Variants in MYLIP observed in about 807,000 individuals in gnomAD.
The protein encoded by MYLIP is myosin regulatory light chain interacting protein.
Under a neutral mutation model 45.8 loss-of-function variants are expected in MYLIP, and 26 were observed. The ratio of observed to expected loss-of-function variants is 0.57; its 90% CI spans 0.42 to 0.79. The LOEUF (loss-of-function observed/expected upper bound fraction) is 0.79, where lower values mean the gene tolerates loss of function less well. Ranked by LOEUF, MYLIP falls within the 30% of genes least tolerant of loss-of-function variation. The probability of loss-of-function intolerance (pLI) is 0.00; values close to 1 mark genes in which losing one functional copy is unlikely to be tolerated. For missense variants in MYLIP, 494 were observed against 555.6 expected (o/e 0.89, Z 1.11); for synonymous variants, 213 against 218.1 (o/e 0.98, Z 0.21).
the MYLIP span, among the ~76,000 whole-genome samples, chr6:16,162,937 A>T: frequency 6.6e-6 from 1 of 152,162 alleles, no homozygotes; most frequent in Admixed American, 6.6e-5. Flanking sequence ...GGATTCAGAA[A>T]GATGACACGC....
Position 16,129,444 on chromosome 6 carries a change from T to C in MYLIP, c.87+35T>C. ...AGGGGCAAGAAGGGGCCCCGGCGGGTCCCGCGAGGCCGAGGGGCCTCGCAG... is the reference window on the plus strand; with the variant it reads ...AGGGGCAAGAAGGGGCCCCGGCGGGCCCCGCGAGGCCGAGGGGCCTCGCAG... On this transcript the variant is annotated intron_variant, in intron 1 of 6. Coordinates refer to ENST00000356840, the MANE Select transcript of MYLIP (RefSeq NM_013262.4). The surrounding 1 kb of genome is among the most constrained non-coding windows in gnomAD (Gnocchi z 5.1). 1 of 1,548,146 alleles carries C rather than the reference T, an allele frequency of 6.5e-7. No individual in the cohort carries two copies. The highest frequency in any genetic ancestry group is 8.7e-7 in the Non-Finnish European group (1 of 1,145,508).
chr6:16,156,542 G>A, the MYLIP span, among the ~76,000 whole-genome samples: 1 of 152,144 alleles, frequency 6.6e-6, no homozygotes, highest in Non-Finnish European at 1.5e-5. Context: ...CTTACTGCAG[G>A]CCTTACTGAG....
rs1759826623 is a variant in MYLIP at position 16,147,844 on chromosome 6, TTC to T, written c.*1095_*1096del. On this transcript the variant is annotated 3_prime_UTR_variant, in exon 7 of 7. Coordinates refer to ENST00000356840, the MANE Select transcript of MYLIP (RefSeq NM_013262.4). ...TCGAAGGGGTTTTGGTTCTTTTTGC[TTC>T]TGTTTTCTTAAACATGTTTTCCACT... The T allele has an allele frequency of 6.6e-6, 1 of 152,664 alleles. No individual in the cohort carries two copies. Among genetic ancestry groups the T allele is most frequent in the African/African-American group, 2.4e-5 (1 of 41,460 alleles). The allele number at this position is 152,664 out of a possible 1,614,324, so 9.5% of individuals were successfully genotyped here. A position where few individuals can be genotyped will look rare whatever the true frequency, so the allele number is the denominator to read the frequency against.
intron 2 of MYLIP, 136 bp downstream of exon 2, chr6:16,130,883 A>C: frequency 1.2e-6 from 1 of 865,292 alleles, no homozygotes; most frequent in Non-Finnish European, 1.7e-6. Flanking sequence ...TTTTCCATGC[A>C]GGTCCTTTTG....
chr6:16,148,328 T>C (rs11963978), downstream of MYLIP: 203 of 152,274 alleles, frequency 1.3e-3, 2 homozygotes, highest in African/African-American at 4.7e-3. Context: ...ACAGTTAGTA[T>C]CTACTTTCCT....
the MYLIP span, chr6:16,161,412 A>G: frequency 5.1e-6 from 1 of 195,152 alleles, no homozygotes; most frequent in Middle Eastern, 1.3e-3. Flanking sequence ...CCTCAGACCA[A>G]GTACTTACAT....
downstream of MYLIP, among the ~76,000 whole-genome samples, chr6:16,152,459 C>G (rs1759889838): frequency 6.6e-6 from 1 of 152,200 alleles, no homozygotes; most frequent in African/African-American, 2.4e-5. Context: ...TAGGTGACTA[C>G]TGGCATTTAG....
At chr6:16,160,032 C>T in the MYLIP span, among the ~76,000 whole-genome samples, 1 of 152,192 alleles carries the variant, frequency 6.6e-6, no homozygotes, top group South Asian at 2.1e-4. Context: ...ATTGCCTGCT[C>T]ACCCTCCTGG....
downstream of MYLIP, among the ~76,000 whole-genome samples, chr6:16,148,719 G>T (rs1759843714): frequency 1.3e-5 from 2 of 152,266 alleles, no homozygotes; most frequent in East Asian, 1.9e-4. Flanking sequence ...GGAGTGGCCT[G>T]GGTCATAGCA....
rs1057091892 is a variant in MYLIP, at chr6:16,129,737, G to A, written c.87+328G>A. On this transcript the variant is annotated intron_variant, in intron 1 of 6. Coordinates refer to ENST00000356840, the MANE Select transcript of MYLIP (RefSeq NM_013262.4). The surrounding 1 kb of genome is among the most constrained non-coding windows in gnomAD (Gnocchi z 5.1). Reference sequence around the variant, plus strand: ...AGGCGGCTCCGCACACCTGCCGCAGGTATGTGCGTGATGCCGCCTGTCGGG... The same window carrying A: ...AGGCGGCTCCGCACACCTGCCGCAGATATGTGCGTGATGCCGCCTGTCGGG... Among the ~76,000 whole-genome samples, 2 of 152,218 alleles carry A rather than the reference G, an allele frequency of 1.3e-5. No individual in the cohort carries two copies. Among genetic ancestry groups the A allele is most frequent in the Non-Finnish European group, 2.9e-5 (2 of 68,028 alleles).
rs996150728 is a variant in MYLIP at position 16,143,548 on chromosome 6, A to C, written c.663-151A>C. ...CAACTGCTTTTCACTGTATCTTTAC[A>C]ATAAGGCAGCATTATGGTGATGTGA... On this transcript the variant is annotated intron_variant, in intron 4 of 6. Transcript: ENST00000356840. The C allele has an allele frequency of 6.1e-6, 5 of 818,466 alleles. No individual in the cohort carries two copies. In the African/African-American group the frequency reaches 8.7e-5, roughly 14 times the overall value. The allele number at this position is 818,466 out of a possible 1,614,324, so 50.7% of individuals were successfully genotyped here. A position where few individuals can be genotyped will look rare whatever the true frequency, so the allele number is the denominator to read the frequency against.
At position 16,147,332 on chromosome 6, in the gene MYLIP, C is replaced by T. The variant is rs929573603; in HGVS notation, c.*581C>T. 1 of 153,454 alleles carries T rather than the reference C, an allele frequency of 6.5e-6. No individual in the cohort carries two copies. The highest frequency in any genetic ancestry group is 2.4e-5 in the African/African-American group (1 of 41,414). The allele number at this position is 153,454 out of a possible 1,614,324, so 9.5% of individuals were successfully genotyped here. A position where few individuals can be genotyped will look rare whatever the true frequency, so the allele number is the denominator to read the frequency against. On this transcript the variant is annotated 3_prime_UTR_variant, in exon 7 of 7. Transcript: ENST00000356840. ...AATTCTGTGACTTTTAAAAAGTTGA[C>T]AATGTTGTCAGATTTAAACCAGTGT...
chr6:16,130,883 AG>A lies in MYLIP; in HGVS notation c.278+138del, dbSNP rs1348840496. On this transcript the variant is annotated intron_variant, in intron 2 of 6. Coordinates refer to ENST00000356840, the MANE Select transcript of MYLIP (RefSeq NM_013262.4). ...CCATCTTAACTTAGGTTTTCCATGC[AG>A]GTCCTTTTGTTGAGGTGGAGGGGGA... The A allele has an allele frequency of 2.1e-5, 18 of 865,292 alleles. No homozygotes were observed. The East Asian group carries it at 5.0e-4, about 24-fold the overall frequency. The allele number at this position is 865,292 out of a possible 1,614,324, so 53.6% of individuals were successfully genotyped here.
chr6:16,141,186 A>G (rs1759663645), intron 2 of MYLIP, among the ~76,000 whole-genome samples: 1 of 152,230 alleles, frequency 6.6e-6, no homozygotes, highest in Non-Finnish European at 1.5e-5. Flanking sequence ...TTCTTAGGAC[A>G]GAAGCTGGCA....
the MYLIP span, chr6:16,161,270 G>A: frequency 2.7e-6 from 1 of 369,516 alleles, no homozygotes; most frequent in Admixed American, 2.8e-5. Context: ...CAGACCTTCA[G>A]CCTTCATGCC....
the MYLIP span, among the ~76,000 whole-genome samples, chr6:16,159,841 A>T: frequency 6.6e-6 from 1 of 152,204 alleles, no homozygotes; most frequent in African/African-American, 2.4e-5. Context: ...GAAAGAAACC[A>T]TCGGGGCTAC....
rs1178019478 is a variant in MYLIP at position 16,147,620 on chromosome 6, T to G, written c.*869T>G. The stretch of plus-strand genomic sequence containing the variant: ...CCTCATGGTGTACAACTGAGGGTAG[T>G]TAACTCATCACTTCTCCCAAGCACT... On this transcript the variant is annotated 3_prime_UTR_variant, in exon 7 of 7. Transcript: ENST00000356840. 1 of 152,242 alleles carries G rather than the reference T, an allele frequency of 6.6e-6. No individual in the cohort carries two copies. The highest frequency in any genetic ancestry group is 1.9e-4 in the East Asian group (1 of 5,192). 9.4% of individuals were successfully genotyped at this position (152,242 alleles called of 1,614,324 possible).
At chr6:16,148,490 T>G (rs1413764762), downstream of MYLIP, among the ~76,000 whole-genome samples, 6 of 151,758 alleles carry the variant, frequency 4.0e-5, no homozygotes, top group Admixed American at 1.3e-4. Context: ...GTGGTATTGG[T>G]TCTAATGGAG....
intron 2 of MYLIP, among the ~76,000 whole-genome samples, chr6:16,137,823 A>G (rs1405415917): frequency 3.3e-5 from 5 of 152,234 alleles, no homozygotes; most frequent in South Asian, 4.1e-4. Flanking sequence ...AAAGAAAAAT[A>G]TAGTAAGAAT....
Sources: allele counts gnomAD v4.1 joint callset (sites outside exome capture counted in the v4.1 genomes callset), GRCh38; gene constraint gnomAD v4.1.1; non-coding constraint Gnocchi (gnomAD v3.1); transcripts MANE v1.5; gene names NCBI Gene and HGNC (gene_info 2026-07-23, HGNC 2026-07-21).